The following CD55 variants were observed in gnomAD, a reference collection of about 807,000 sequenced individuals.
CD55 encodes the protein complement decay-accelerating factor.
CD55 carries 41 observed loss-of-function variants against 45.8 expected under a neutral mutation model. That is an observed-to-expected ratio of 0.90 (90% CI 0.70 to 1.16). The LOEUF (loss-of-function observed/expected upper bound fraction) is 1.16, where lower values mean the gene tolerates loss of function less well. Among genes scored for constraint, CD55 ranks in the 50% most tolerant of loss-of-function variants. The pLI, the probability that CD55 is intolerant of heterozygous loss-of-function variation, is 0.00. For synonymous variants in CD55, 181 were observed against 181.1 expected (o/e 1.00, Z 0.01); for missense variants, 416 against 469.8 (o/e 0.89, Z 1.06).
intron 9 of CD55, chr1:207,340,307 A>T (rs919624833): frequency 2.7e-6 from 1 of 370,156 alleles, no homozygotes; most frequent in South Asian, 7.7e-5. Flanking sequence ...TATTCTTTTT[A>T]TGGCTGAATG....
chr1:207,332,250 T>A (rs2102398545), intron 6 of CD55, among the ~76,000 whole-genome samples: 1 of 152,304 alleles, frequency 6.6e-6, no homozygotes, highest in East Asian at 1.9e-4. Flanking sequence ...TATTCATTTA[T>A]CTAACCAGTC....
chr1:207,321,990 C>T, intron 1 of CD55, 125 bp downstream of exon 1: 1 of 666,732 alleles, frequency 1.5e-6, no homozygotes, highest in South Asian at 1.9e-5. Flanking sequence ...TCGTGGTTCC[C>T]GCCGTCCTGT....
At chr1:207,351,916 A>AT (rs1409450946) in intron 9 of CD55, among the ~76,000 whole-genome samples, 2 of 152,242 alleles carry the variant, frequency 1.3e-5, no homozygotes, top group South Asian at 2.1e-4. Context: ...ATATGGCAAC[A>AT]TTTTTTGTGT....
intron 5 of CD55, among the ~76,000 whole-genome samples, chr1:207,330,309 A>G (rs1223011547): frequency 6.7e-6 from 1 of 148,696 alleles, no homozygotes; most frequent in Non-Finnish European, 1.5e-5. Flanking sequence ...GCATACACAC[A>G]TATTAAATTG....
chr1:207,321,685 C>A lies in CD55; in HGVS notation c.-81C>A. 9.5e-7 allele frequency: 1 copy of A among 1,056,232 alleles called. No homozygotes were observed. The highest frequency in any genetic ancestry group is 1.3e-6 in the Non-Finnish European group (1 of 754,748). 65.4% of individuals were successfully genotyped at this position (1,056,232 alleles called of 1,614,324 possible). A position where few individuals can be genotyped will look rare whatever the true frequency, so the allele number is the denominator to read the frequency against. On this transcript the variant is annotated 5_prime_UTR_variant, in exon 1 of 10. In the 5' UTR this introduces an upstream ATG that the reference lacks. Transcript: ENST00000367064. Reference sequence around the variant, plus strand: ...TGCGGAGCCACGAGGCTTCTGCTTACTGCAACTCGCTCCGGCCGCTGGGCG... The same window carrying A: ...TGCGGAGCCACGAGGCTTCTGCTTAATGCAACTCGCTCCGGCCGCTGGGCG...
chr1:207,336,584 G>T, intron 6 of CD55, 109 bp from the exon 7 acceptor site: 1 of 1,249,940 alleles, frequency 8.0e-7, no homozygotes, highest in East Asian at 2.3e-5. Flanking sequence ...GTCATACCTA[G>T]GTGTTTGTGG....
intron 4 of CD55, among the ~76,000 whole-genome samples, 182 bp from the exon 5 acceptor site, chr1:207,326,570 A>G (rs1289843015): frequency 6.6e-6 from 1 of 152,184 alleles, no homozygotes; most frequent in African/African-American, 2.4e-5. Context: ...TACTCTTTGG[A>G]TGTCACGTTT....
intron 2 of CD55, among the ~76,000 whole-genome samples, chr1:207,323,139 A>T (rs28371592): frequency 0.01 from 1,526 of 151,642 alleles, 22 homozygotes; most frequent in African/African-American, 0.035. Context: ...GAAAAAATAT[A>T]TGTATATATA....
Position 207,325,532 on chromosome 1 carries a change from A to G in CD55, c.479-90A>G, listed in dbSNP as rs1654639912. Reference sequence around the variant, plus strand: ...TGAAATGATTAACACAGTCAAGCTAATTAACATATCTACCACCTCACATAG... The same window carrying G: ...TGAAATGATTAACACAGTCAAGCTAGTTAACATATCTACCACCTCACATAG... On this transcript the variant is annotated intron_variant, in intron 3 of 9. Transcript: ENST00000367064. 1.2e-5 allele frequency: 8 copies of G among 690,478 alleles called. No homozygotes were observed. The South Asian group carries it at 1.5e-4, about 13-fold the overall frequency. 42.8% of individuals were successfully genotyped at this position (690,478 alleles called of 1,614,324 possible). A position where few individuals can be genotyped will look rare whatever the true frequency, so the allele number is the denominator to read the frequency against.
chr1:207,336,301 G>A (rs1465561826), intron 6 of CD55, among the ~76,000 whole-genome samples: 1 of 152,138 alleles, frequency 6.6e-6, no homozygotes, highest in Non-Finnish European at 1.5e-5. Context: ...GGCTGTGACT[G>A]TCTCTGTTGG....
At chr1:207,331,333 T>A in intron 6 of CD55, 37 bp downstream of exon 6, 2 of 1,541,876 alleles carry the variant, frequency 1.3e-6, no homozygotes, top group Non-Finnish European at 1.8e-6. Context: ...TGCTTTATTC[T>A]TACCCTCAGG....
chr1:207,355,236 G>A (rs1241016827), intron 9 of CD55, among the ~76,000 whole-genome samples: 1 of 142,810 alleles, frequency 7.0e-6, no homozygotes, highest in South Asian at 2.2e-4. Flanking sequence ...CATTAGTCAC[G>A]TTAGATTCAG....
intron 9 of CD55, chr1:207,347,265 ATT>A (rs878860129): frequency 1.0e-3 from 401 of 396,682 alleles, no homozygotes; most frequent in South Asian, 1.7e-3. Context: ...GGGTAAACAC[ATT>A]TTTTTTTTTT....
chr1:207,345,417 C>A (rs1655593432), intron 9 of CD55, among the ~76,000 whole-genome samples: 1 of 151,766 alleles, frequency 6.6e-6, no homozygotes, highest in Non-Finnish European at 1.5e-5. Flanking sequence ...TTGTTTGGTT[C>A]TTTTATATGT....
intron 5 of CD55, among the ~76,000 whole-genome samples, chr1:207,327,337 G>A (rs1167897815): frequency 6.6e-6 from 1 of 152,042 alleles, no homozygotes; most frequent in East Asian, 1.9e-4. Context: ...ATAATTAACC[G>A]AGATAATTAT....
Position 207,324,689 on chromosome 1 carries a change from A to G in CD55, c.417A>G (p.Leu139=), listed in dbSNP as rs373754389. The change falls in exon 3 of 10, where the codon CTA becomes CTG. Residue 139 remains leucine (L), a synonymous_variant. Coordinates refer to ENST00000367064, the MANE Select transcript of CD55 (RefSeq NM_000574.5). Reference sequence around the variant, plus strand: ...CAGGTTACAGAAGAGAACCTTCTCTATCACCAAAACTAACTTGCCTTCAGA... The same window carrying G: ...CAGGTTACAGAAGAGAACCTTCTCTGTCACCAAAACTAACTTGCCTTCAGA... The part of the protein sequence containing the change: ...CRPGYRREPS[L]SPKLTCLQNL... 6.2e-6 allele frequency: 10 copies of G among 1,613,506 alleles called. No homozygotes were observed. The South Asian group carries it at 7.7e-5, about 12-fold the overall frequency.
Position 207,339,436 on chromosome 1 carries a change from C to A in CD55, c.1081+19C>A. ...CTATCTGGTAAGTTTGGCTCTCAGGCCATTAAAAGAAATTGTTTTCACTGT... is the reference window on the plus strand; with the variant it reads ...CTATCTGGTAAGTTTGGCTCTCAGGACATTAAAAGAAATTGTTTTCACTGT... On this transcript the variant is annotated intron_variant, in intron 9 of 9. Coordinates refer to ENST00000367064, the MANE Select transcript of CD55 (RefSeq NM_000574.5). The A allele has an allele frequency of 6.3e-7, 1 of 1,592,726 alleles. No individual in the cohort carries two copies. Among genetic ancestry groups the A allele is most frequent in the Non-Finnish European group, 8.6e-7 (1 of 1,165,842 alleles).
At chr1:207,337,187 A>C in intron 7 of CD55, 142 bp from the exon 8 acceptor site, 3 of 652,310 alleles carry the variant, frequency 4.6e-6, no homozygotes, top group South Asian at 3.6e-5. Context: ...TACACAGGCC[A>C]CACTAACAGC....
intron 9 of CD55, chr1:207,347,191 T>G: frequency 2.2e-6 from 1 of 456,206 alleles, no homozygotes; most frequent in Non-Finnish European, 4.4e-6. Flanking sequence ...TTGAAGCCAC[T>G]CCCCATGATA....
Sources: gnomAD v4.1 joint callset for allele counts (sites outside exome capture counted in the v4.1 genomes callset) on GRCh38, gnomAD v4.1.1 for gene constraint, MANE v1.5 for transcripts, NCBI Gene and HGNC (gene_info 2026-07-23, HGNC 2026-07-21) for gene names.